The following TRPC6 variants were observed in gnomAD, a reference collection of about 807,000 sequenced individuals.
The protein encoded by TRPC6 is short transient receptor potential channel 6.
Under a neutral mutation model 90.7 loss-of-function variants are expected in TRPC6, and 55 were observed. The observed-to-expected ratio is 0.61, with a 90% confidence interval of 0.49 to 0.76. The LOEUF is 0.76. TRPC6 is among the 30% of genes least tolerant of loss of function. TRPC6 has a pLI of 0.00. For missense variants in TRPC6, 989 were observed against 1,122.7 expected, an observed-to-expected ratio of 0.88 and a Z score of 1.70; for synonymous variants, 393 against 393.0, an observed-to-expected ratio of 1.00 and a Z score of 0.00.
intron 12 of TRPC6, 142 bp downstream of exon 12, chr11:101,453,508 G>C (rs1019824916): frequency 1.2e-6 from 1 of 813,620 alleles, no homozygotes. Context: ...TTAACAGAAC[G>C]GCGGTTGGTG....
chr11:101,558,108 A>G (rs1424524563), intron 1 of TRPC6, among the ~76,000 whole-genome samples: 3 of 151,888 alleles, frequency 2.0e-5, no homozygotes, highest in Non-Finnish European at 4.4e-5. Flanking sequence ...AACTGAAGTT[A>G]TCATACTACC....
chr11:101,571,239 C>G (rs147129939), intron 1 of TRPC6, among the ~76,000 whole-genome samples: 1,972 of 152,042 alleles, frequency 0.013, 13 homozygotes, highest in South Asian at 0.025. Flanking sequence ...GACAAACAGA[C>G]AGCCAAATCA....
At chr11:101,480,243 G>T (rs6590864) in intron 5 of TRPC6, among the ~76,000 whole-genome samples, 42,572 of 151,964 alleles carry the variant, frequency 0.28, 7,275 homozygotes, top group African/African-American at 0.48. Context: ...TTATGGTCAA[G>T]AATAAAATGA....
At chr11:101,576,962 G>C (rs1272905559) in intron 1 of TRPC6, among the ~76,000 whole-genome samples, 1 of 152,118 alleles carries the variant, frequency 6.6e-6, no homozygotes, top group African/African-American at 2.4e-5. Context: ...ATTACTTCAA[G>C]CCAGGGGAGG....
intron 1 of TRPC6, among the ~76,000 whole-genome samples, chr11:101,528,348 A>T (rs545933943): frequency 8.5e-5 from 13 of 152,286 alleles, no homozygotes; most frequent in African/African-American, 3.1e-4. Flanking sequence ...AAGAGTTTTC[A>T]ATCAGCAATA....
intron 1 of TRPC6, among the ~76,000 whole-genome samples, chr11:101,573,960 G>A (rs867800531): frequency 6.8e-6 from 1 of 146,486 alleles, no homozygotes; most frequent in Non-Finnish European, 1.5e-5. Context: ...GTGTGTGTAT[G>A]TGTGTGTGTG....
intron 1 of TRPC6, among the ~76,000 whole-genome samples, chr11:101,537,819 G>A (rs1051655425): frequency 4.0e-5 from 6 of 151,662 alleles, no homozygotes; most frequent in African/African-American, 1.5e-4. Flanking sequence ...TCACCTACTG[G>A]TTTTGCTTAG....
At chr11:101,537,542 T>C (rs548802884) in intron 1 of TRPC6, among the ~76,000 whole-genome samples, 2 of 152,328 alleles carry the variant, frequency 1.3e-5, no homozygotes, top group South Asian at 4.1e-4. Flanking sequence ...TGGATGTTTC[T>C]CTAGTCATTT....
chr11:101,572,844 A>C (rs984500973), intron 1 of TRPC6, among the ~76,000 whole-genome samples: 6 of 152,064 alleles, frequency 3.9e-5, no homozygotes, highest in Non-Finnish European at 8.8e-5. Flanking sequence ...AACTTCACAC[A>C]CTGGGGCCTT....
intron 10 of TRPC6, among the ~76,000 whole-genome samples, chr11:101,456,346 T>C (rs1402563187): frequency 3.3e-5 from 5 of 152,172 alleles, no homozygotes; most frequent in Admixed American, 6.5e-5. Context: ...GTGAAATGCA[T>C]AAAAACTTCC....
chr11:101,495,923 A>G (rs1048309572), intron 2 of TRPC6, among the ~76,000 whole-genome samples: 1 of 152,100 alleles, frequency 6.6e-6, no homozygotes, highest in African/African-American at 2.4e-5. Context: ...ATTGACACTC[A>G]AGAACTACCT....
At chr11:101,478,255 A>G (rs1184802179) in intron 5 of TRPC6, among the ~76,000 whole-genome samples, 1 of 152,210 alleles carries the variant, frequency 6.6e-6, no homozygotes, top group Non-Finnish European at 1.5e-5. Context: ...AGAAGACTTC[A>G]TTACTTATTT....
Position 101,483,150 on chromosome 11 carries a change from G to A in TRPC6, c.1309C>T (p.Arg437Cys), listed in dbSNP as rs145580926. ...APCSKMGKIM[R>C]GPFMKFVAHA... ...GCTACAAACTTCATGAATGGTCCAC[G>A]CATTATCTTCCCCATCTGCCACAAC... Residue 437 changes from arginine to cysteine, a missense_variant, in exon 5 of 13, where the codon CGT (arginine) becomes TGT (cysteine). Around this residue, in one of 4 missense-constraint regions of TRPC6, gnomAD observed 486 missense variants for 591.9 expected, o/e 0.82. Coordinates refer to ENST00000344327, the MANE Select transcript of TRPC6 (RefSeq NM_004621.6). 3.2e-5 allele frequency: 51 copies of A among 1,613,792 alleles called. No homozygotes were observed. The highest frequency in any genetic ancestry group is 3.9e-5 in the Non-Finnish European group (46 of 1,179,888).
chr11:101,465,853 T>C (rs1311939188), intron 10 of TRPC6, among the ~76,000 whole-genome samples: 1 of 152,176 alleles, frequency 6.6e-6, no homozygotes, highest in East Asian at 1.9e-4. Flanking sequence ...TTGTGATCCT[T>C]TGGAGGTGAA....
intron 2 of TRPC6, among the ~76,000 whole-genome samples, chr11:101,502,910 G>C (rs555882573): frequency 4.6e-5 from 7 of 152,148 alleles, no homozygotes; most frequent in African/African-American, 1.7e-4. Flanking sequence ...GCCCAGGAAA[G>C]ACTGGGCTGT....
At chr11:101,563,238 T>G (rs946036653) in intron 1 of TRPC6, among the ~76,000 whole-genome samples, 3 of 152,118 alleles carry the variant, frequency 2.0e-5, no homozygotes, top group African/African-American at 7.2e-5. Context: ...TACTAGAAAC[T>G]GATTATAAGG....
At chr11:101,514,844 G>A (rs911423166) in intron 1 of TRPC6, among the ~76,000 whole-genome samples, 1 of 152,192 alleles carries the variant, frequency 6.6e-6, no homozygotes, top group African/African-American at 2.4e-5. Context: ...GACAAATTGA[G>A]GGAAACTGAG....
At chr11:101,540,784 A>G (rs1233854443) in intron 1 of TRPC6, among the ~76,000 whole-genome samples, 2 of 152,188 alleles carry the variant, frequency 1.3e-5, no homozygotes, top group African/African-American at 4.8e-5. Flanking sequence ...TTTTGGTTAC[A>G]TTCCTTATTT....
intron 10 of TRPC6, 134 bp from the exon 11 acceptor site, chr11:101,455,235 C>T: frequency 1.4e-6 from 1 of 722,550 alleles, no homozygotes; most frequent in East Asian, 2.8e-5. Flanking sequence ...ATTTATCTTG[C>T]TTAGTATTCT....
Sources: gnomAD v4.1 joint callset for allele counts (sites outside exome capture counted in the v4.1 genomes callset) on GRCh38, gnomAD v4.1.1 for gene constraint, gnomAD v4.1.1 regional missense constraint, MANE v1.5 for transcripts, NCBI Gene and HGNC (gene_info 2026-07-23, HGNC 2026-07-21) for gene names.